KIAA0513: variants seen among roughly 807,000 people sequenced by gnomAD.
KIAA0513 encodes the protein uncharacterized protein KIAA0513.
A neutral mutation model predicts 56.5 loss-of-function variants in KIAA0513; 39 were observed. That is an observed-to-expected ratio of 0.69 (90% confidence interval 0.53 to 0.90). KIAA0513 has a LOEUF of 0.90. Among genes scored for constraint, KIAA0513 ranks in the 40% least tolerant of loss-of-function variants. KIAA0513 has a pLI of 0.00. For synonymous variants in KIAA0513, 268 were observed against 215.6 expected (o/e 1.24, Z -2.13); for missense variants, 591 against 535.2 (o/e 1.10, Z -1.03).
chr16:85,067,263 G>T lies in KIAA0513; in HGVS notation c.192G>T (p.Pro64=). 1.9e-6 allele frequency: 3 copies of T among 1,614,052 alleles called. No individual in the cohort carries two copies. The highest frequency in any genetic ancestry group is 4.5e-5 in the East Asian group (2 of 44,890). The change falls in exon 2 of 13, where the codon CCG becomes CCT. Residue 64 remains proline, a synonymous_variant. Coordinates refer to ENST00000683363, the MANE Select transcript of KIAA0513 (RefSeq NM_001388359.1). The part of the protein sequence containing the change: ...ENDMGESPSH[P]SWDQDRRSSS... ...ACATGGGCGAGTCGCCCTCGCACCCGTCCTGGGACCAAGACCGCCGTTCCT... is the reference window on the plus strand; with the variant it reads ...ACATGGGCGAGTCGCCCTCGCACCCTTCCTGGGACCAAGACCGCCGTTCCT...
rs1475767300 is a variant in KIAA0513 at position 85,076,447 on chromosome 16, G to A, written c.574+533G>A. ...TTGCGTTGGCACTTTCTCGTATGTT[G>A]GAGCTCAAGGGCTTCCTGCGTGAGT... On this transcript the variant is annotated intron_variant, in intron 5 of 12. Coordinates refer to ENST00000683363, the MANE Select transcript of KIAA0513 (RefSeq NM_001388359.1). This position sits in a 1 kb window ranked among gnomAD's most constrained non-coding sequence, Gnocchi z 4.7. 6.6e-6 allele frequency among the ~76,000 whole-genome samples: 1 copy of A among 152,148 alleles called. No homozygotes were observed. The highest frequency in any genetic ancestry group is 1.5e-5 in the Non-Finnish European group (1 of 68,012).
intron 2 of KIAA0513, among the ~76,000 whole-genome samples, chr16:85,068,921 C>G (rs62049892): frequency 0.069 from 10,558 of 152,168 alleles, 1,215 homozygotes; most frequent in African/African-American, 0.23. Context: ...CCTAGCGCTC[C>G]TTGTCACAGC....
intron 1 of KIAA0513, among the ~76,000 whole-genome samples, chr16:85,061,135 C>T (rs2073398681): frequency 6.7e-6 from 1 of 149,818 alleles, no homozygotes; most frequent in Non-Finnish European, 1.5e-5. Flanking sequence ...CCAGCCTGGG[C>T]GACAGAGTGA....
chr16:85,056,074 C>G (rs367752695), intron 1 of KIAA0513, among the ~76,000 whole-genome samples: 6 of 152,256 alleles, frequency 3.9e-5, no homozygotes, highest in African/African-American at 9.6e-5. Flanking sequence ...CCCAGACCCC[C>G]CTGAAAGCCA....
intron 1 of KIAA0513, among the ~76,000 whole-genome samples, chr16:85,033,635 T>C (rs1319156875): frequency 1.3e-5 from 2 of 150,790 alleles, no homozygotes; most frequent in African/African-American, 2.4e-5. Flanking sequence ...AGGGAGTTCA[T>C]AGAGCAACTT....
At chr16:85,053,806 A>G (rs2073288780) in intron 1 of KIAA0513, among the ~76,000 whole-genome samples, 1 of 152,150 alleles carries the variant, frequency 6.6e-6, no homozygotes, top group Non-Finnish European at 1.5e-5. Context: ...ATTCTGGCCA[A>G]CATGGTGAAA....
chr16:85,029,871 G>C (rs1380381135), intron 1 of KIAA0513, among the ~76,000 whole-genome samples: 1 of 152,302 alleles, frequency 6.6e-6, no homozygotes, highest in Non-Finnish European at 1.5e-5. Flanking sequence ...CAGTCATGGT[G>C]GGTTTGTTAT....
In KIAA0513 at chr16:85,077,445, C is replaced by T. The variant is rs1456021863; in HGVS notation, c.595C>T (p.Pro199Ser). The change falls in exon 6 of 13, where the codon CCG becomes TCG. Residue 199 changes from proline (P) to serine (S), a missense_variant. Pro to Ser is a moderately conservative substitution (Grantham distance 74). Transcript: ENST00000683363. ...YHIGKPQLLP[P>S]ESREKPAGSI... ...CCAAGGAAAACCACAGCTGCTGCCC[C>T]CGGAGTCCCGGGAGAAGCCCGCGGG... 6.2e-7 allele frequency: 1 copy of T among 1,614,040 alleles called. No homozygotes were observed. The highest frequency in any genetic ancestry group is 1.3e-5 in the African/African-American group (1 of 74,954).
At chr16:85,040,396 G>T in intron 1 of KIAA0513, among the ~76,000 whole-genome samples, 1 of 152,120 alleles carries the variant, frequency 6.6e-6, no homozygotes. Context: ...TGGGCGTGGT[G>T]GCTCACGCCT....
chr16:85,077,578 G>A lies in KIAA0513; in HGVS notation c.728G>A (p.Gly243Asp). Reference protein sequence around the residue: ...NTSARTENVKGFFGGLETKLK... With the variant: ...NTSARTENVKDFFGGLETKLK... ...TCGGCCAGGACTGAGAATGTCAAGG[G>A]CTTCTTCGGGGGGCTGGAGACCAAG... Residue 243 changes from glycine (G) to aspartate (D), a missense_variant, in exon 6 of 13, where the codon GGC becomes GAC. By Grantham distance (94) the Gly-to-Asp change is moderately conservative. Transcript: ENST00000683363. The A allele has an allele frequency of 6.2e-7, 1 of 1,614,138 alleles. No individual in the cohort carries two copies. Among genetic ancestry groups the A allele is most frequent in the South Asian group, 1.1e-5 (1 of 91,084 alleles).
chr16:85,056,216 C>T (rs1018682916), intron 1 of KIAA0513, among the ~76,000 whole-genome samples: 1 of 152,210 alleles, frequency 6.6e-6, no homozygotes, highest in Non-Finnish European at 1.5e-5. Context: ...AGACATGGAT[C>T]CTAAACTGCC....
In KIAA0513 at chr16:85,077,810, C is replaced by G. The variant is rs117831851; in HGVS notation, c.782+178C>G. On this transcript the variant is annotated intron_variant, in intron 6 of 12. Coordinates refer to ENST00000683363, the MANE Select transcript of KIAA0513 (RefSeq NM_001388359.1). The stretch of plus-strand genomic sequence containing the variant: ...ATGGTCTGCAAAGCCAAGCCCCCCC[C>G]ACTGACATGCAGGGATGTCCCTGGG... Among the ~76,000 whole-genome samples the G allele has an allele frequency of 5.1e-3, 779 of 152,280 alleles. 24 individuals are homozygous for G. In the East Asian group the frequency reaches 0.071, roughly 14 times the overall value.
In KIAA0513 at chr16:85,067,200, A is replaced by C; in HGVS notation, c.129A>C (p.Ser43=). 6.2e-7 allele frequency: 1 copy of C among 1,614,160 alleles called. No individual in the cohort carries two copies. The highest frequency in any genetic ancestry group is 8.5e-7 in the Non-Finnish European group (1 of 1,180,010). The change falls in exon 2 of 13, where the codon TCA becomes TCC. Residue 43 remains serine (S), a synonymous_variant. Coordinates refer to ENST00000683363, the MANE Select transcript of KIAA0513 (RefSeq NM_001388359.1). ...DGDGSLGDGA[S]ESETTESADS... is the part of the protein sequence containing the mutation. ...ATGGCTCCCTGGGGGACGGTGCATC[A>C]GAGAGTGAGACCACTGAGTCTGCGG...
At chr16:85,044,277 G>GT (rs1288086933) in intron 1 of KIAA0513, among the ~76,000 whole-genome samples, 3 of 152,144 alleles carry the variant, frequency 2.0e-5, no homozygotes, top group African/African-American at 7.2e-5. Context: ...TGCCCGCTGT[G>GT]TGTGCAGGGA....
rs368100526 is a variant in KIAA0513, at chr16:85,071,311, C to T, written c.330-472C>T. 1.1e-4 allele frequency among the ~76,000 whole-genome samples: 17 copies of T among 152,344 alleles called. No homozygotes were observed. In the East Asian group the frequency reaches 2.9e-3, roughly 26 times the overall value. ...ACGTGGGAGGTGATTTTCTTCTTGG[C>T]CTCAGACCTTGGCGTCAGTATGCTG... On this transcript the variant is annotated intron_variant, in intron 2 of 12. Transcript: ENST00000683363.
chr16:85,088,644 G>T lies in KIAA0513; in HGVS notation c.*319G>T, dbSNP rs892379212. On this transcript the variant is annotated 3_prime_UTR_variant, in exon 13 of 13. Coordinates refer to ENST00000683363, the MANE Select transcript of KIAA0513 (RefSeq NM_001388359.1). ...GGGAAGGACTCCATGGGCCATCGTG[G>T]GCCAAGGGCTGGCGAGGGTGGGGGC... 58 of 316,866 alleles carry T rather than the reference G, an allele frequency of 1.8e-4. No individual in the cohort carries two copies. The highest frequency in any genetic ancestry group is 1.1e-3 in the African/African-American group (51 of 47,156). The allele number at this position is 316,866 out of a possible 1,614,324, so 19.6% of individuals were successfully genotyped here. A position where few individuals can be genotyped will look rare whatever the true frequency, so the allele number is the denominator to read the frequency against.
intron 1 of KIAA0513, among the ~76,000 whole-genome samples, chr16:85,049,902 G>C (rs1315453641): frequency 1.3e-5 from 2 of 152,190 alleles, no homozygotes; most frequent in Non-Finnish European, 2.9e-5. Flanking sequence ...CCATGCCAAG[G>C]GGTTGGGGCA....
chr16:85,031,900 G>A (rs1265629611), intron 1 of KIAA0513, among the ~76,000 whole-genome samples: 5 of 152,178 alleles, frequency 3.3e-5, no homozygotes, highest in African/African-American at 4.8e-5. Context: ...TTTTACTAGA[G>A]ACGGTGAAAC....
intron 1 of KIAA0513, among the ~76,000 whole-genome samples, chr16:85,030,020 G>A (rs1375732346): frequency 1.3e-5 from 2 of 152,204 alleles, no homozygotes; most frequent in Admixed American, 1.3e-4. Flanking sequence ...GGAATGGGAA[G>A]TGGGGCGGAT....
Sources: allele counts gnomAD v4.1 joint callset (sites outside exome capture counted in the v4.1 genomes callset), GRCh38; gene constraint gnomAD v4.1.1; non-coding constraint Gnocchi (gnomAD v3.1); transcripts MANE v1.5; gene names NCBI Gene and HGNC (gene_info 2026-07-23, HGNC 2026-07-21).